Variants in PPHLN1 observed in about 807,000 individuals in gnomAD.
The protein encoded by PPHLN1 is periphilin 1, also known as periphilin-1.
A neutral mutation model predicts 51.3 loss-of-function variants in PPHLN1; 29 were observed. The ratio of observed to expected loss-of-function variants is 0.57; its 90% CI spans 0.42 to 0.77. The LOEUF (loss-of-function observed/expected upper bound fraction) is 0.77. Ranked by LOEUF, PPHLN1 falls within the 30% of genes least tolerant of loss-of-function variation. The pLI is 0.00. For missense variants in PPHLN1, 436 were observed against 438.4 expected, an observed-to-expected ratio of 0.99 and a Z score of 0.05; for synonymous variants, 147 against 147.8, an observed-to-expected ratio of 0.99 and a Z score of 0.04.
At chr12:42,446,796 TGAAG>T, downstream of PPHLN1, 3 of 618,532 alleles carry the variant, frequency 4.9e-6, no homozygotes, top group Non-Finnish European at 7.7e-6. Context: ...AGAATAAAGC[TGAAG>T]GCAGCTTTAT....
At chr12:42,425,048 A>ATGTC (rs1555219810) in intron 9 of PPHLN1, among the ~76,000 whole-genome samples, 1 of 150,848 alleles carries the variant, frequency 6.6e-6, no homozygotes, top group East Asian at 2.0e-4. Flanking sequence ...TTATGTATGT[A>ATGTC]TGTATGTATG....
At chr12:42,356,220 A>G (rs1209406365) in intron 4 of PPHLN1, among the ~76,000 whole-genome samples, 1 of 152,228 alleles carries the variant, frequency 6.6e-6, no homozygotes, top group Non-Finnish European at 1.5e-5. Context: ...AAAGATGCCA[A>G]AAGTAGACAA....
intron 6 of PPHLN1, 66 bp downstream of exon 6, chr12:42,385,062 T>G: frequency 5.0e-5 from 73 of 1,469,650 alleles, no homozygotes; most frequent in Non-Finnish European, 6.1e-5. Context: ...TGATAGCGGT[T>G]ATGGAAATGG....
At chr12:42,345,106 T>C (rs373764769) in intron 2 of PPHLN1, among the ~76,000 whole-genome samples, 3 of 152,156 alleles carry the variant, frequency 2.0e-5, no homozygotes, top group African/African-American at 7.2e-5. Flanking sequence ...CTGTAACCGA[T>C]AGGTATATTG....
At chr12:42,432,400 T>G in intron 9 of PPHLN1, 1 of 754,184 alleles carries the variant, frequency 1.3e-6, no homozygotes, top group Non-Finnish European at 2.5e-6. Context: ...CTTGCACATT[T>G]CCAATGGTTT....
At chr12:42,371,709 A>G (rs984219893) in intron 4 of PPHLN1, among the ~76,000 whole-genome samples, 5 of 152,242 alleles carry the variant, frequency 3.3e-5, no homozygotes, top group Non-Finnish European at 5.9e-5. Context: ...AATATTCTGT[A>G]AGCATAAAAT....
intron 4 of PPHLN1, among the ~76,000 whole-genome samples, chr12:42,362,865 G>A (rs2074851772): frequency 6.6e-6 from 1 of 152,236 alleles, no homozygotes; most frequent in South Asian, 2.1e-4. Flanking sequence ...ATTCAGGGTA[G>A]TTCTCAGAGA....
chr12:42,333,110 G>C (rs1217692222), intron 1 of PPHLN1, among the ~76,000 whole-genome samples: 1 of 152,030 alleles, frequency 6.6e-6, no homozygotes, highest in Non-Finnish European at 1.5e-5. Flanking sequence ...TTCATACCTG[G>C]TCTTTTTACT....
At chr12:42,330,287 G>A (rs1375121229) in intron 1 of PPHLN1, among the ~76,000 whole-genome samples, 1 of 152,152 alleles carries the variant, frequency 6.6e-6, no homozygotes, top group African/African-American at 2.4e-5. Flanking sequence ...AGGAGGCAGA[G>A]GCCTTCCTCT....
At chr12:42,407,010 G>A (rs1592784915) in intron 9 of PPHLN1, among the ~76,000 whole-genome samples, 1 of 152,152 alleles carries the variant, frequency 6.6e-6, no homozygotes. Flanking sequence ...AGACATCCAT[G>A]TAAGTCTGTA....
At chr12:42,446,712 T>C, downstream of PPHLN1, 1 of 1,482,504 alleles carries the variant, frequency 6.7e-7, no homozygotes, top group Admixed American at 1.8e-5. Flanking sequence ...ATGTAGGAGA[T>C]GGTCAGGTTG....
At chr12:42,418,041 G>A (rs1356316140) in intron 9 of PPHLN1, among the ~76,000 whole-genome samples, 2 of 141,440 alleles carry the variant, frequency 1.4e-5, no homozygotes, top group African/African-American at 5.2e-5. Context: ...CTGGGTTCAC[G>A]CCATTCTCCT....
chr12:42,385,509 T>C (rs1041237117), intron 6 of PPHLN1, among the ~76,000 whole-genome samples: 7 of 152,184 alleles, frequency 4.6e-5, no homozygotes, highest in Non-Finnish European at 7.3e-5. Context: ...TCCAAGACTA[T>C]ACTTCGGGAT....
At chr12:42,378,521 T>C (rs905083932) in intron 5 of PPHLN1, among the ~76,000 whole-genome samples, 1 of 152,086 alleles carries the variant, frequency 6.6e-6, no homozygotes, top group Non-Finnish European at 1.5e-5. Flanking sequence ...CTAGTATAAA[T>C]TGAAATTTTG....
chr12:42,442,867 A>G (rs544814949), downstream of PPHLN1: 22 of 1,427,088 alleles, frequency 1.5e-5, no homozygotes, highest in South Asian at 2.5e-4. Context: ...CAACTGCTTA[A>G]AGCTAGCAGA....
intron 5 of PPHLN1, among the ~76,000 whole-genome samples, chr12:42,377,743 A>G (rs2076393113): frequency 6.6e-6 from 1 of 152,254 alleles, no homozygotes; most frequent in Admixed American, 6.5e-5. Flanking sequence ...TGAGGTTCTT[A>G]CTTGAAAGCT....
At chr12:42,412,244 A>G (rs1367325812) in intron 9 of PPHLN1, among the ~76,000 whole-genome samples, 3 of 150,878 alleles carry the variant, frequency 2.0e-5, no homozygotes, top group Non-Finnish European at 2.9e-5. Context: ...TCCCTCACCC[A>G]CTCCACCCTC....
chr12:42,357,101 C>A (rs967979200), intron 4 of PPHLN1, among the ~76,000 whole-genome samples: 2 of 152,032 alleles, frequency 1.3e-5, no homozygotes, highest in Non-Finnish European at 2.9e-5. Context: ...AAGGAAATTA[C>A]AAATCATTTC....
intron 9 of PPHLN1, among the ~76,000 whole-genome samples, chr12:42,401,917 C>T (rs1472154681): frequency 4.6e-5 from 7 of 151,992 alleles, no homozygotes; most frequent in Admixed American, 1.3e-4. Context: ...TGCAGTGGCA[C>T]GATTACACCT....
Sources: gnomAD v4.1 joint callset for allele counts (sites outside exome capture counted in the v4.1 genomes callset) on GRCh38, gnomAD v4.1.1 for gene constraint, MANE v1.5 for transcripts, NCBI Gene and HGNC (gene_info 2026-07-23, HGNC 2026-07-21) for gene names.